AP1G2: variants seen among roughly 807,000 people sequenced by gnomAD.
The protein encoded by AP1G2 is AP-1 complex subunit gamma-like 2.
A neutral mutation model predicts 95.8 loss-of-function variants in AP1G2; 85 were observed. The observed-to-expected ratio is 0.89, with a 90% CI of 0.74 to 1.06. The LOEUF is 1.06. AP1G2 is among the 50% of genes least tolerant of loss of function. AP1G2 has a pLI of 0.00. For missense variants in AP1G2, 967 were observed against 1,005.8 expected (o/e 0.96, Z 0.52); for synonymous variants, 378 against 400.0 (o/e 0.94, Z 0.66).
chr14:23,562,084 G>A lies in AP1G2; in HGVS notation c.1629-18C>T, dbSNP rs1205755059. The A allele has an allele frequency of 5.6e-6, 9 of 1,611,328 alleles. No individual in the cohort carries two copies. The East Asian group carries it at 2.0e-4, about 36-fold the overall frequency. ...GGATGCGGCTGGGCCAGTGTAGTAT[G>A]TAAGTGGCTATGGCAGTGTGCCACT... On this transcript the variant is annotated intron_variant, in intron 16 of 21. Transcript: ENST00000397120.
rs558649189 is a variant in AP1G2, at chr14:23,559,591, T to C, written c.*158A>G. On this transcript the variant is annotated 3_prime_UTR_variant, in exon 22 of 22. Coordinates refer to ENST00000397120, the MANE Select transcript of AP1G2 (RefSeq NM_003917.5). ...ATGGCTTTCCTCACTTCTCAGGCTT[T>C]ATTGGGCTTTATTTGTGGGAGAAGG... 1.5e-6 allele frequency: 1 copy of C among 645,482 alleles called. No homozygotes were observed. The highest frequency in any genetic ancestry group is 2.8e-5 in the East Asian group (1 of 36,182). The allele number at this position is 645,482 out of a possible 1,614,324, so 40.0% of individuals were successfully genotyped here. A position where few individuals can be genotyped will look rare whatever the true frequency, so the allele number is the denominator to read the frequency against.
At chr14:23,563,930 C>T in intron 11 of AP1G2, 74 bp from the exon 12 acceptor site, 4 of 1,599,272 alleles carry the variant, frequency 2.5e-6, no homozygotes, top group Non-Finnish European at 3.4e-6. Context: ...TCTGCTTCCC[C>T]AGGGACCTGT....
intron 7 of AP1G2, 171 bp downstream of exon 7, chr14:23,565,435 G>A (rs1887376670): frequency 4.1e-6 from 3 of 726,632 alleles, no homozygotes; most frequent in Non-Finnish European, 6.7e-6. Context: ...TGACTTTTAG[G>A]CATTCCCTCT....
rs376117419 is a variant in AP1G2 at position 23,565,165 on chromosome 14, C to T, written c.776G>A (p.Arg259Gln). The change falls in exon 8 of 22, where the codon CGG becomes CAG. Residue 259 changes from arginine (R) to glutamine (Q), a missense_variant. Arg to Gln is a conservative substitution (Grantham distance 43). Coordinates refer to ENST00000397120, the MANE Select transcript of AP1G2 (RefSeq NM_003917.5). Reference sequence around the variant, plus strand: ...GGTCTCACTGCTCTCCTCGTGGTTCCGGCCCAGGATCCGAAGCAGACGAAG... The same window carrying T: ...GGTCTCACTGCTCTCCTCGTGGTTCTGGCCCAGGATCCGAAGCAGACGAAG... The part of the protein sequence containing the change: ...QILRLLRILG[R>Q]NHEESSETMN... The T allele has an allele frequency of 5.5e-5, 89 of 1,614,108 alleles. No individual in the cohort carries two copies. Among genetic ancestry groups the T allele is most frequent in the Non-Finnish European group, 6.4e-5 (75 of 1,180,040 alleles).
chr14:23,564,978 C>T, intron 8 of AP1G2, 141 bp downstream of exon 8: 1 of 814,902 alleles, frequency 1.2e-6, no homozygotes, highest in South Asian at 1.6e-5. Context: ...AGACTGTGTC[C>T]CTTCTTCATG....
chr14:23,561,434 G>T lies in AP1G2; in HGVS notation c.1858-3C>A. 1 of 1,611,776 alleles carries T rather than the reference G, an allele frequency of 6.2e-7. No individual in the cohort carries two copies. Among genetic ancestry groups the T allele is most frequent in the Non-Finnish European group, 8.5e-7 (1 of 1,178,214 alleles). The stretch of plus-strand genomic sequence containing the variant: ...AGCAGATCCAGGAGCTGTGAGGCCT[G>T]GCAGAAGGGACAGAAGGGGCAGGGC... On this transcript the variant is annotated splice_polypyrimidine_tract_variant and splice_region_variant and intron_variant, in intron 18 of 21. Coordinates refer to ENST00000397120, the MANE Select transcript of AP1G2 (RefSeq NM_003917.5).
intron 17 of AP1G2, 80 bp from the exon 18 acceptor site, chr14:23,561,715 T>A: frequency 6.4e-7 from 1 of 1,567,354 alleles, no homozygotes. Flanking sequence ...GGACTAGGAA[T>A]ATGGAGCCCT....
In AP1G2 at chr14:23,563,732, G is replaced by A. The variant is rs1358251206; in HGVS notation, c.1216C>T (p.Leu406=). 3.1e-6 allele frequency: 5 copies of A among 1,614,060 alleles called. No individual in the cohort carries two copies. Among genetic ancestry groups the A allele is most frequent in the Non-Finnish European group, 4.2e-6 (5 of 1,180,024 alleles). Reference sequence around the variant, plus strand: ...GCACCTCACCTCTCTGCAGCCAGCAGGATGCCTGAGGCACAGTCAGCCCGT... The same window carrying A: ...GCACCTCACCTCTCTGCAGCCAGCAAGATGCCTGAGGCACAGTCAGCCCGT... The part of the protein sequence containing the change: ...DLRADCASGI[L]LAAERFAPTK... Residue 406 remains leucine, a synonymous_variant, in exon 12 of 22, where the codon CTG becomes TTG. Transcript: ENST00000397120.
chr14:23,563,358 C>T (rs1190924835), intron 14 of AP1G2, 22 bp downstream of exon 14: 1 of 1,569,344 alleles, frequency 6.4e-7, no homozygotes, highest in Non-Finnish European at 8.6e-7. Flanking sequence ...CAGCCCTGGG[C>T]CTAGGTAGGT....
chr14:23,562,431 C>T lies in AP1G2; in HGVS notation c.1501-16G>A, dbSNP rs1885361282. 1 of 1,614,102 alleles carries T rather than the reference C, an allele frequency of 6.2e-7. No homozygotes were observed. Among genetic ancestry groups the T allele is most frequent in the East Asian group, 2.2e-5 (1 of 44,882 alleles). On this transcript the variant is annotated splice_polypyrimidine_tract_variant and intron_variant, in intron 15 of 21. Coordinates refer to ENST00000397120, the MANE Select transcript of AP1G2 (RefSeq NM_003917.5). Reference sequence around the variant, plus strand: ...CTTCGTCCACCTTCAGACATGGATACAGTTAGTGGCCCTGGTGCAAGTCCT... The same window carrying T: ...CTTCGTCCACCTTCAGACATGGATATAGTTAGTGGCCCTGGTGCAAGTCCT...
Position 23,560,425 on chromosome 14 carries a change from T to G in AP1G2, c.1994-7A>C, listed in dbSNP as rs752182008. On this transcript the variant is annotated splice_region_variant and splice_polypyrimidine_tract_variant and intron_variant, in intron 19 of 21. Transcript: ENST00000397120. ...TTGAGATCTGGGATGGGAGCTGGAG[T>G]AGGGAGACAGAAGCAGCTCAGTGTG... 1.2e-5 allele frequency: 19 copies of G among 1,609,654 alleles called. No homozygotes were observed. The highest frequency in any genetic ancestry group is 1.6e-5 in the Non-Finnish European group (19 of 1,177,360).
chr14:23,563,221 G>T, intron 14 of AP1G2, 159 bp downstream of exon 14: 12 of 1,448,264 alleles, frequency 8.3e-6, no homozygotes, highest in Non-Finnish European at 1.1e-5. Flanking sequence ...CAAAAGCCCA[G>T]ATGTTCTTAA....
chr14:23,560,204 C>T, intron 20 of AP1G2, 51 bp downstream of exon 20: 3 of 1,597,902 alleles, frequency 1.9e-6, no homozygotes, highest in Non-Finnish European at 1.7e-6. Flanking sequence ...CACTTAGTGG[C>T]CTTTTCTCCT....
At chr14:23,562,107 A>C (rs1434498319) in intron 16 of AP1G2, 41 bp from the exon 17 acceptor site, 2 of 1,606,832 alleles carry the variant, frequency 1.2e-6, no homozygotes, top group Non-Finnish European at 1.7e-6. Context: ...GCAGTGTGCC[A>C]CTGCAGGATG....
At chr14:23,566,901 T>A in intron 2 of AP1G2, 2 of 881,176 alleles carry the variant, frequency 2.3e-6, no homozygotes, top group Non-Finnish European at 3.4e-6. Flanking sequence ...AGGAGATGCC[T>A]GCCCTAAAGG....
Position 23,562,428 on chromosome 14 carries a change from A to G in AP1G2, c.1501-13T>C, listed in dbSNP as rs770032397. 1 of 1,614,122 alleles carries G rather than the reference A, an allele frequency of 6.2e-7. No homozygotes were observed. The highest frequency in any genetic ancestry group is 8.5e-7 in the Non-Finnish European group (1 of 1,179,996). On this transcript the variant is annotated splice_polypyrimidine_tract_variant and intron_variant, in intron 15 of 21. Coordinates refer to ENST00000397120, the MANE Select transcript of AP1G2 (RefSeq NM_003917.5). The stretch of plus-strand genomic sequence containing the variant: ...CCTCTTCGTCCACCTTCAGACATGG[A>G]TACAGTTAGTGGCCCTGGTGCAAGT...
intron 8 of AP1G2, 58 bp downstream of exon 8, chr14:23,565,060 AC>A: frequency 1.3e-6 from 2 of 1,548,638 alleles, no homozygotes; most frequent in Non-Finnish European, 1.8e-6. Context: ...TGTGAGGGGC[AC>A]CCAGGGCTGA....
In AP1G2 at chr14:23,567,294, C is replaced by T; in HGVS notation, c.21G>A (p.Lys7=). 1 of 1,612,982 alleles carries T rather than the reference C, an allele frequency of 6.2e-7. No homozygotes were observed. The highest frequency in any genetic ancestry group is 8.5e-7 in the Non-Finnish European group (1 of 1,179,704). The change falls in exon 2 of 22, where the codon AAG becomes AAA. Residue 7 remains lysine (K), a synonymous_variant. Transcript: ENST00000397120. The surrounding 1 kb of genome is among the most constrained non-coding windows in gnomAD (Gnocchi z 5.3). ...GAATCTCTTCGATGAGGTCCTGAAG[C>T]TTCAGCGAAGGCACCACCATCCTGA... is the stretch of plus-strand genomic sequence containing the variant. MVVPSL[K]LQDLIEEIRG... is the part of the protein sequence containing the mutation.
rs1219835505 is a variant in AP1G2, at chr14:23,566,050, C to T, written c.568+14G>A. ...TAGACCTGAAGCAAAGGATGGGGGG[C>T]CCCACAGCCTTACCATGGTGACGCT... On this transcript the variant is annotated intron_variant, in intron 5 of 21. Transcript: ENST00000397120. 6.2e-7 allele frequency: 1 copy of T among 1,613,974 alleles called. No homozygotes were observed. The highest frequency in any genetic ancestry group is 8.5e-7 in the Non-Finnish European group (1 of 1,180,024).
Sources: gnomAD v4.1 joint callset for allele counts on GRCh38, gnomAD v4.1.1 for gene constraint, Gnocchi (gnomAD v3.1) non-coding constraint, MANE v1.5 for transcripts, NCBI Gene and HGNC (gene_info 2026-07-23, HGNC 2026-07-21) for gene names.